TOP3A: variants seen among roughly 807,000 people sequenced by gnomAD.
TOP3A encodes DNA topoisomerase III alpha.
TOP3A carries 64 observed loss-of-function variants against 111.3 expected under a neutral mutation model. That is an observed-to-expected ratio of 0.57 (90% CI 0.47 to 0.71). The LOEUF (loss-of-function observed/expected upper bound fraction) is 0.71, where lower values mean the gene tolerates loss of function less well. Among genes scored for constraint, TOP3A ranks in the 30% least tolerant of loss-of-function variants. TOP3A has a pLI of 0.00. For synonymous variants in TOP3A, 484 were observed against 485.1 expected, an observed-to-expected ratio of 1.00 and a Z score of 0.03; for missense variants, 1,104 against 1,285.0, an observed-to-expected ratio of 0.86 and a Z score of 2.15.
rs984350755 is a variant in TOP3A at position 18,274,765 on chromosome 17, G to A, written c.*37C>T. Reference sequence around the variant, plus strand: ...CTCATTTCTAAACACAAAGGGGACAGGTCTGAGAAAGTGGCGTTCTCTACC... The same window carrying A: ...CTCATTTCTAAACACAAAGGGGACAAGTCTGAGAAAGTGGCGTTCTCTACC... On this transcript the variant is annotated 3_prime_UTR_variant, in exon 19 of 19. Transcript: ENST00000321105. 6.3e-7 allele frequency: 1 copy of A among 1,594,248 alleles called. No individual in the cohort carries two copies. Among genetic ancestry groups the A allele is most frequent in the Non-Finnish European group, 8.6e-7 (1 of 1,168,368 alleles).
intron 10 of TOP3A, among the ~76,000 whole-genome samples, chr17:18,294,471 A>G (rs1980669906): frequency 6.6e-6 from 1 of 152,062 alleles, no homozygotes; most frequent in African/African-American, 2.4e-5. Context: ...CTGGGACTAC[A>G]GGCGCACGCC....
rs143277175 is a variant in TOP3A, at chr17:18,278,274, G to C, written c.2228C>G (p.Thr743Ser). The change falls in exon 18 of 19, where the codon ACC becomes AGC. Residue 743 changes from threonine (T) to serine (S), a missense_variant. Transcript: ENST00000321105. ...TCTCAGGTCCAGGATCTCCCTCAGG[G>C]TGTCGTCGCATCCGCCGATGCAGCA... ...FVCCIGGCDD[T>S]LREILDLRFS... is the part of the protein sequence containing the mutation. The C allele has an allele frequency of 3.1e-4, 484 of 1,539,086 alleles. 1 individual carries two copies. The highest frequency in any genetic ancestry group is 3.9e-4 in the Non-Finnish European group (444 of 1,143,478).
chr17:18,314,719 G>C lies in TOP3A; in HGVS notation c.60C>G (p.Ala20=), dbSNP rs780900644. Residue 20 remains alanine, a synonymous_variant, in exon 1 of 19, where the codon GCC becomes GCG. Coordinates refer to ENST00000321105, the MANE Select transcript of TOP3A (RefSeq NM_004618.5). The part of the protein sequence containing the change: ...LRWLRRPEDR[A]FSRAAMEMAL... The stretch of plus-strand genomic sequence containing the variant: ...CCATCTCCATGGCGGCGCGGGAAAA[G>C]GCACGGTCTTCGGGCCGTCGCAGCC... 1 of 1,601,874 alleles carries C rather than the reference G, an allele frequency of 6.2e-7. No homozygotes were observed. The highest frequency in any genetic ancestry group is 1.7e-4 in the Middle Eastern group (1 of 6,030).
At position 18,275,561 on chromosome 17, in the gene TOP3A, AT is replaced by A. The variant is rs1182233014; in HGVS notation, c.2828-582del. ...TGTATTTTTAGTAGAGACGGGTTTC[AT>A]CATGTTAGCCAGGATGGTCTCGATC... On this transcript the variant is annotated intron_variant, in intron 18 of 18. Coordinates refer to ENST00000321105, the MANE Select transcript of TOP3A (RefSeq NM_004618.5). Among the ~76,000 whole-genome samples, 66 of 151,012 alleles carry A rather than the reference AT, an allele frequency of 4.4e-4. No individual in the cohort carries two copies. The East Asian group carries it at 0.01, about 23-fold the overall frequency.
At position 18,286,607 on chromosome 17, in the gene TOP3A, T is replaced by C. The variant is rs1023889719; in HGVS notation, c.1598-1087A>G. ...CAAAAAGAGAGATAATACTAAGTGT[T>C]AGTAAGGATGTGGATAAACTGGAAT... On this transcript the variant is annotated intron_variant, in intron 13 of 18. Coordinates refer to ENST00000321105, the MANE Select transcript of TOP3A (RefSeq NM_004618.5). Among the ~76,000 whole-genome samples, 3 of 152,156 alleles carry C rather than the reference T, an allele frequency of 2.0e-5. No homozygotes were observed. The East Asian group carries it at 5.8e-4, about 29-fold the overall frequency.
intron 1 of TOP3A, among the ~76,000 whole-genome samples, chr17:18,310,704 G>A (rs535379155): frequency 1.3e-5 from 2 of 152,064 alleles, no homozygotes; most frequent in Non-Finnish European, 2.9e-5. Context: ...TAATGATGAT[G>A]GTGGCACATT....
intron 16 of TOP3A, among the ~76,000 whole-genome samples, chr17:18,281,606 G>A (rs934693799): frequency 6.6e-6 from 1 of 152,134 alleles, no homozygotes; most frequent in Admixed American, 6.6e-5. Context: ...CCCAGTCATT[G>A]GGCTAAGCCT....
chr17:18,293,998 A>G (rs1229377654), intron 10 of TOP3A, among the ~76,000 whole-genome samples: 2 of 152,210 alleles, frequency 1.3e-5, no homozygotes, highest in Non-Finnish European at 2.9e-5. Flanking sequence ...GCGCATCCCA[A>G]TTTGGACAAC....
chr17:18,309,360 A>C (rs1469492777), intron 1 of TOP3A, among the ~76,000 whole-genome samples: 1 of 152,180 alleles, frequency 6.6e-6, no homozygotes, highest in Non-Finnish European at 1.5e-5. Context: ...CACTCCTACA[A>C]ATTTACCCAA....
At position 18,274,595 on chromosome 17, in the gene TOP3A, G is replaced by A. The variant is rs1215606298; in HGVS notation, c.*207C>T. 3 of 790,656 alleles carry A rather than the reference G, an allele frequency of 3.8e-6. No individual in the cohort carries two copies. The highest frequency in any genetic ancestry group is 5.6e-6 in the Non-Finnish European group (3 of 539,702). 49.0% of individuals were successfully genotyped at this position (790,656 alleles called of 1,614,324 possible). ...GTGGCTATGGTCACTCCTGAGGCCT[G>A]GGAAGAGGGTCACTGTCCAGCAGAG... On this transcript the variant is annotated 3_prime_UTR_variant, in exon 19 of 19. Transcript: ENST00000321105.
chr17:18,306,639 T>A (rs1474455142), intron 4 of TOP3A: 2 of 376,802 alleles, frequency 5.3e-6, no homozygotes, highest in Non-Finnish European at 9.7e-6. Flanking sequence ...TTGCTGGGAT[T>A]ACAGGCATAA....
chr17:18,297,721 C>A (rs916687241), intron 9 of TOP3A, among the ~76,000 whole-genome samples: 2 of 151,986 alleles, frequency 1.3e-5, no homozygotes, highest in Non-Finnish European at 2.9e-5. Context: ...TCGTTCACTC[C>A]GTGCTCAATG....
Position 18,290,975 on chromosome 17 carries a change from C to G in TOP3A, c.1334G>C (p.Cys445Ser), listed in dbSNP as rs760951766. ...EFIVRHFLAC[C>S]SQDAQGQETT... ...CTCCTGCCCCTGAGCATCCTGGGAGCAGCAAGCCAGGAAATGGCGAACAAT... is the reference window on the plus strand; with the variant it reads ...CTCCTGCCCCTGAGCATCCTGGGAGGAGCAAGCCAGGAAATGGCGAACAAT... Residue 445 changes from cysteine (C) to serine (S), a missense_variant, in exon 12 of 19, where the codon TGC (cysteine) becomes TCC (serine). Transcript: ENST00000321105. The G allele has an allele frequency of 1.5e-5, 24 of 1,614,096 alleles. No homozygotes were observed. Among genetic ancestry groups the G allele is most frequent in the Non-Finnish European group, 1.8e-5 (21 of 1,180,048 alleles).
Position 18,285,517 on chromosome 17 carries a change from G to A in TOP3A, c.1601C>T (p.Thr534Met), listed in dbSNP as rs1247647466. Reference sequence around the variant, plus strand: ...GATGTGCTCCGCATGAGTGGCATCCGTACCTGGAAGCCACTTGCTGGTTAC... The same window carrying A: ...GATGTGCTCCGCATGAGTGGCATCCATACCTGGAAGCCACTTGCTGGTTAC... ...IALMEKHGIG[T>M]DATHAEHIET... Residue 534 changes from threonine to methionine, a missense_variant, in exon 14 of 19, where the codon ACG becomes ATG. Thr to Met is a moderately conservative substitution (Grantham distance 81, BLOSUM62 -1). Coordinates refer to ENST00000321105, the MANE Select transcript of TOP3A (RefSeq NM_004618.5). 1.2e-6 allele frequency: 2 copies of A among 1,613,110 alleles called. No homozygotes were observed. Among genetic ancestry groups the A allele is most frequent in the African/African-American group, 1.3e-5 (1 of 74,894 alleles).
At chr17:18,298,620 G>A (rs368896322) in intron 9 of TOP3A, among the ~76,000 whole-genome samples, 21 of 152,024 alleles carry the variant, frequency 1.4e-4, no homozygotes, top group Non-Finnish European at 2.5e-4. Context: ...AAGGGGGGAA[G>A]GGTGGGGAAA....
At chr17:18,310,765 C>G (rs1243195758) in intron 1 of TOP3A, among the ~76,000 whole-genome samples, 1 of 152,102 alleles carries the variant, frequency 6.6e-6, no homozygotes, top group Non-Finnish European at 1.5e-5. Flanking sequence ...TTAAAATGGT[C>G]AATTTTCTGT....
intron 16 of TOP3A, among the ~76,000 whole-genome samples, chr17:18,281,992 C>T (rs921937404): frequency 2.0e-5 from 3 of 152,108 alleles, no homozygotes; most frequent in Admixed American, 6.6e-5. Context: ...TGCATTACAC[C>T]AGTGAGGGAC....
rs142429216 is a variant in TOP3A at position 18,288,131 on chromosome 17, T to TTATATATATATATATATATA, written c.1597+2425_1597+2426insTATATATATATATATATATA. 3.9e-3 allele frequency among the ~76,000 whole-genome samples: 476 copies of TTATATATATATATATATATA among 122,596 alleles called. 5 individuals carry two copies. The highest frequency in any genetic ancestry group is 4.9e-3 in the Non-Finnish European group (302 of 61,980). 80.4% of individuals were successfully genotyped at this position (122,596 alleles called of 152,430 possible). Reference sequence around the variant, plus strand: ...GGTATATAAATAAAGCTGTTAATAATTATATATATATATATATAAATTTTT... The same window carrying TTATATATATATATATATATA: ...GGTATATAAATAAAGCTGTTAATAATTATATATATATATATATATATATATATATATATATATAAATTTTT... On this transcript the variant is annotated intron_variant, in intron 13 of 18. Transcript: ENST00000321105.
At chr17:18,281,932 G>A (rs956419209) in intron 16 of TOP3A, among the ~76,000 whole-genome samples, 7 of 152,156 alleles carry the variant, frequency 4.6e-5, no homozygotes, top group African/African-American at 1.7e-4. Context: ...TCCCTGCCTT[G>A]CAGGGTAGTT....
Sources: gnomAD v4.1 joint callset for allele counts (sites outside exome capture counted in the v4.1 genomes callset) on GRCh38, gnomAD v4.1.1 for gene constraint, MANE v1.5 for transcripts, NCBI Gene and HGNC (gene_info 2026-07-23, HGNC 2026-07-21) for gene names.